Variants in CYTH3 observed in about 807,000 individuals in gnomAD.
The protein encoded by CYTH3 is cytohesin 3, also known as cytohesin-3.
CYTH3 carries 23 observed loss-of-function variants against 55.1 expected under a neutral mutation model. That is an observed-to-expected ratio of 0.42 (90% CI 0.30 to 0.59). The LOEUF (loss-of-function observed/expected upper bound fraction) is 0.59. CYTH3 is among the 20% of genes least tolerant of loss of function. The pLI, the probability that CYTH3 is intolerant of heterozygous loss-of-function variation, is 0.20. For synonymous variants in CYTH3, 249 were observed against 194.9 expected (o/e 1.28, Z -2.31); for missense variants, 413 against 524.8 (o/e 0.79, Z 2.08).
chr7:6,202,464 T>G (rs1301668419), intron 1 of CYTH3, among the ~76,000 whole-genome samples: 13 of 150,716 alleles, frequency 8.6e-5, no homozygotes, highest in African/African-American at 2.4e-4. Flanking sequence ...CTAGTTTTTT[T>G]TTTTTTTTTT....
chr7:6,188,590 C>G (rs1023089075), intron 2 of CYTH3: 2 of 152,160 alleles, frequency 1.3e-5, no homozygotes, highest in South Asian at 4.1e-4. Flanking sequence ...AGATGAAGCA[C>G]CATGGACAGA....
At chr7:6,203,055 A>G (rs973796176) in intron 1 of CYTH3, among the ~76,000 whole-genome samples, 2 of 152,220 alleles carry the variant, frequency 1.3e-5, no homozygotes, top group African/African-American at 4.8e-5. Context: ...AAATAGACTA[A>G]AGCTATGAGT....
At position 6,259,796 on chromosome 7, in the gene CYTH3, T is replaced by TATA. The variant is rs1554255123; in HGVS notation, c.34+12675_34+12677dup. Among the ~76,000 whole-genome samples the TATA allele has an allele frequency of 8.2e-4, 18 of 21,834 alleles. 1 individual carries two copies. Among genetic ancestry groups the TATA allele is most frequent in the African/African-American group, 2.4e-3 (5 of 2,076 alleles). The allele number at this position is 21,834 out of a possible 152,430, so 14.3% of individuals were successfully genotyped here. A position where few individuals can be genotyped will look rare whatever the true frequency, so the allele number is the denominator to read the frequency against. ...ATTATATATATATAATATATATATA[T>TATA]ATATATATATATATATAATATATAT... On this transcript the variant is annotated intron_variant, in intron 1 of 12. Coordinates refer to ENST00000350796, the MANE Select transcript of CYTH3 (RefSeq NM_004227.4).
chr7:6,211,391 G>A (rs1784316181), intron 1 of CYTH3, among the ~76,000 whole-genome samples: 1 of 152,268 alleles, frequency 6.6e-6, no homozygotes. Context: ...CCACACTGCG[G>A]AGCCTGACTC....
At chr7:6,245,932 G>C (rs187159928) in intron 1 of CYTH3, among the ~76,000 whole-genome samples, 4 of 152,120 alleles carry the variant, frequency 2.6e-5, no homozygotes, top group African/African-American at 9.6e-5. Context: ...GTTTGGGGAG[G>C]AATCACAAAT....
At chr7:6,254,024 TAAAG>T (rs1489782074) in intron 1 of CYTH3, among the ~76,000 whole-genome samples, 1 of 147,404 alleles carries the variant, frequency 6.8e-6, no homozygotes, top group Non-Finnish European at 1.5e-5. Flanking sequence ...AAATAAAAAA[TAAAG>T]AAAGGAGGCC....
At chr7:6,261,324 G>A (rs989601634) in intron 1 of CYTH3, among the ~76,000 whole-genome samples, 1 of 152,172 alleles carries the variant, frequency 6.6e-6, no homozygotes, top group African/African-American at 2.4e-5. Flanking sequence ...CCAAGTAGAA[G>A]AGGCCCTGGG....
At chr7:6,269,278 G>A (rs563047088) in intron 1 of CYTH3, among the ~76,000 whole-genome samples, 5 of 152,300 alleles carry the variant, frequency 3.3e-5, no homozygotes, top group African/African-American at 9.6e-5. Context: ...CGACCTTGCC[G>A]TTCAAATATT....
intron 1 of CYTH3, among the ~76,000 whole-genome samples, chr7:6,252,781 C>G (rs1382141421): frequency 6.6e-6 from 1 of 152,206 alleles, no homozygotes; most frequent in Non-Finnish European, 1.5e-5. Context: ...AAAAGTATCT[C>G]TTGAAAATTA....
rs748143048 is a variant in CYTH3 at position 6,177,925 on chromosome 7, A to G, written c.266T>C (p.Ile89Thr). ...GGAACTCTGTAGCAGGTCATTTTCT[A>G]TTAGAAACTGAATTCCCTGAAGAAC... Reference protein sequence around the residue: ...MDPKKGIQFLIENDLLQSSPE... With the variant: ...MDPKKGIQFLTENDLLQSSPE... Residue 89 changes from isoleucine to threonine, a missense_variant, in exon 5 of 13, where the codon ATA becomes ACA. Physicochemically the swap from Ile to Thr is moderately conservative, Grantham distance 89 (BLOSUM62 -1). Coordinates refer to ENST00000350796, the MANE Select transcript of CYTH3 (RefSeq NM_004227.4). 8.7e-6 allele frequency: 14 copies of G among 1,613,864 alleles called. No individual in the cohort carries two copies. The highest frequency in any genetic ancestry group is 1.2e-5 in the Non-Finnish European group (14 of 1,179,722).
intron 1 of CYTH3, among the ~76,000 whole-genome samples, chr7:6,214,726 G>C (rs897683165): frequency 6.6e-6 from 1 of 152,148 alleles, no homozygotes; most frequent in South Asian, 2.1e-4. Flanking sequence ...GAGCCTGTAA[G>C]ATGTGTTGTT....
chr7:6,221,908 T>C (rs528089049), intron 1 of CYTH3, among the ~76,000 whole-genome samples: 120 of 152,104 alleles, frequency 7.9e-4, no homozygotes, highest in African/African-American at 2.8e-3. Context: ...GCTATGATGG[T>C]GCCACTGCAC....
intron 4 of CYTH3, among the ~76,000 whole-genome samples, chr7:6,184,049 CTTTTTTTTTTTTTT>C (rs60634853): frequency 1.1e-4 from 5 of 46,400 alleles, no homozygotes; most frequent in East Asian, 8.4e-4. Flanking sequence ...CCCTCTGTGG[CTTTTTTTTTTTTTT>C]TTTTTTTTTT....
At chr7:6,253,185 CT>C (rs1366853813) in intron 1 of CYTH3, among the ~76,000 whole-genome samples, 4 of 151,132 alleles carry the variant, frequency 2.6e-5, no homozygotes, top group African/African-American at 9.7e-5. Context: ...GACAATAAGC[CT>C]GGACTCTTCA....
chr7:6,216,453 T>C (rs1436804050), intron 1 of CYTH3, among the ~76,000 whole-genome samples: 6 of 152,008 alleles, frequency 3.9e-5, no homozygotes, highest in East Asian at 3.9e-4. Context: ...ATCAAAAACA[T>C]AGAGGCCAGG....
chr7:6,240,545 A>T (rs1178229793), intron 1 of CYTH3, among the ~76,000 whole-genome samples: 1 of 152,116 alleles, frequency 6.6e-6, no homozygotes, highest in African/African-American at 2.4e-5. Flanking sequence ...ATCCAGAAAG[A>T]CTCAGATGGT....
intron 1 of CYTH3, among the ~76,000 whole-genome samples, chr7:6,249,480 G>A (rs757508309): frequency 6.6e-6 from 1 of 152,296 alleles, no homozygotes; most frequent in African/African-American, 2.4e-5. Context: ...TGGCTTCGGA[G>A]GGCCTTTGAA....
At position 6,272,562 on chromosome 7, in the gene CYTH3, G is replaced by T. The variant is rs1780696148; in HGVS notation, c.-55C>A. 3.3e-6 allele frequency: 4 copies of T among 1,227,000 alleles called. No individual in the cohort carries two copies. In the South Asian group the frequency reaches 8.8e-5, roughly 27 times the overall value. 76.0% of individuals were successfully genotyped at this position (1,227,000 alleles called of 1,614,324 possible). On this transcript the variant is annotated 5_prime_UTR_variant, in exon 1 of 13. Transcript: ENST00000350796. ...GGGGGCCGGCAGCAGAGGGGCCGCG[G>T]GCTGGGGACGCCGCCGGAGGGAGCG... is the stretch of plus-strand genomic sequence containing the variant.
rs1369439422 is a variant in CYTH3 at position 6,269,796 on chromosome 7, G to A, written c.34+2678C>T. Among the ~76,000 whole-genome samples, 4 of 152,018 alleles carry A rather than the reference G, an allele frequency of 2.6e-5. No individual in the cohort carries two copies. In the South Asian group the frequency reaches 8.3e-4, roughly 31 times the overall value. ...CTTGCATTGAAAGAACAATACAGTGGACAAAAAGCTAAATTAACTTATAAA... is the reference window on the plus strand; with the variant it reads ...CTTGCATTGAAAGAACAATACAGTGAACAAAAAGCTAAATTAACTTATAAA... On this transcript the variant is annotated intron_variant, in intron 1 of 12. Transcript: ENST00000350796.
Sources: gnomAD v4.1 joint callset for allele counts (sites outside exome capture counted in the v4.1 genomes callset) on GRCh38, gnomAD v4.1.1 for gene constraint, MANE v1.5 for transcripts, NCBI Gene and HGNC (gene_info 2026-07-23, HGNC 2026-07-21) for gene names.